Variants in NMT1 observed in about 807,000 individuals in gnomAD.
NMT1 encodes glycylpeptide N-tetradecanoyltransferase 1.
Under a neutral mutation model 63.4 loss-of-function variants are expected in NMT1, and 12 were observed. The ratio of observed to expected loss-of-function variants is 0.19; its 90% CI spans 0.12 to 0.31. NMT1 has a LOEUF of 0.31. Ranked by LOEUF, NMT1 falls within the 10% of genes least tolerant of loss-of-function variation. NMT1 has a pLI of 1.00. For missense variants in NMT1, 432 were observed against 634.6 expected (o/e 0.68, Z 3.43); for synonymous variants, 228 against 234.3 (o/e 0.97, Z 0.25).
chr17:45,101,381 T>G (rs910600023), intron 8 of NMT1, among the ~76,000 whole-genome samples: 1 of 150,188 alleles, frequency 6.7e-6, no homozygotes, highest in African/African-American at 2.4e-5. Flanking sequence ...TCCCAGCACT[T>G]TGGCAGGACA....
At chr17:45,068,015 ACTTCAGGAGGATG>A (rs2053913895) in intron 1 of NMT1, among the ~76,000 whole-genome samples, 1 of 152,222 alleles carries the variant, frequency 6.6e-6, no homozygotes, top group Non-Finnish European at 1.5e-5. Flanking sequence ...ACATTTAGTA[ACTTCAGGAGGATG>A]CTTCTTTAAC....
chr17:45,091,156 C>T (rs1253759925), intron 3 of NMT1, among the ~76,000 whole-genome samples: 2 of 147,504 alleles, frequency 1.4e-5, no homozygotes, highest in Non-Finnish European at 3.0e-5. Context: ...GAGGTCTTGT[C>T]GTTAGATATT....
At chr17:45,077,120 C>T (rs1207067154) in intron 1 of NMT1, among the ~76,000 whole-genome samples, 2 of 152,130 alleles carry the variant, frequency 1.3e-5, no homozygotes, top group Non-Finnish European at 2.9e-5. Context: ...TTATTTTCCC[C>T]ATGTGAAATT....
intron 1 of NMT1, among the ~76,000 whole-genome samples, chr17:45,077,053 G>T (rs181672227): frequency 9.0e-4 from 137 of 152,288 alleles, no homozygotes; most frequent in African/African-American, 3.1e-3. Context: ...AGGCAGGAAG[G>T]TAGTTTTTAC....
In NMT1 at chr17:45,081,737, G is replaced by C. The variant is rs1231776580; in HGVS notation, c.225G>C (p.Gln75His). The change falls in exon 2 of 12, where the codon CAG becomes CAC. Residue 75 changes from glutamine (Q) to histidine (H), a missense_variant. By Grantham distance (24) the Gln-to-His change is conservative (BLOSUM62 0). Around this residue, in one of 4 missense-constraint regions of NMT1, gnomAD observed 121 missense variants for 103.7 expected, o/e 1.17. Coordinates refer to ENST00000258960, the MANE Select transcript of NMT1 (RefSeq NM_021079.5). Reference sequence around the variant, plus strand: ...AAGGCAGTGAGACAGATTCAGCCCAGGATCAGCCTGTGAAGGTAACAAGGA... The same window carrying C: ...AAGGCAGTGAGACAGATTCAGCCCACGATCAGCCTGTGAAGGTAACAAGGA... ...KEKGSETDSA[Q>H]DQPVKMNSLP... 8 of 1,573,094 alleles carry C rather than the reference G, an allele frequency of 5.1e-6. No individual in the cohort carries two copies. The highest frequency in any genetic ancestry group is 1.2e-5 in the South Asian group (1 of 86,940).
chr17:45,104,160 G>T lies in NMT1; in HGVS notation c.1332+284G>T. 1 of 1,321,784 alleles carries T rather than the reference G, an allele frequency of 7.6e-7. No individual in the cohort carries two copies. The highest frequency in any genetic ancestry group is 9.7e-7 in the Non-Finnish European group (1 of 1,026,440). The allele number at this position is 1,321,784 out of a possible 1,614,324, so 81.9% of individuals were successfully genotyped here. ...GAGCCTGAATAGCCAGGCCTTCCCT[G>T]GGAGGACAGGGCTTCTCCTCACAGC... On this transcript the variant is annotated intron_variant, in intron 10 of 11. Transcript: ENST00000258960. The surrounding 1 kb of genome is among the most constrained non-coding windows in gnomAD (Gnocchi z 4.2).
chr17:45,072,254 C>A (rs78215484), intron 1 of NMT1, among the ~76,000 whole-genome samples: 16,535 of 119,652 alleles, frequency 0.14, 975 homozygotes, highest in Middle Eastern at 0.22. Context: ...ACTGTCTTTA[C>A]AAAAAAAAAA....
At chr17:45,084,623 G>A (rs984916011) in intron 2 of NMT1, among the ~76,000 whole-genome samples, 3 of 151,216 alleles carry the variant, frequency 2.0e-5, no homozygotes, top group Admixed American at 2.0e-4. Context: ...GTGAGCCACC[G>A]CGCCCGGCCA....
At chr17:45,076,857 A>G (rs1467564462) in intron 1 of NMT1, among the ~76,000 whole-genome samples, 1 of 152,232 alleles carries the variant, frequency 6.6e-6, no homozygotes, top group Non-Finnish European at 1.5e-5. Flanking sequence ...TGCTTGTACA[A>G]ATTCAAGCCA....
At chr17:45,065,297 T>C (rs924237602) in intron 1 of NMT1, among the ~76,000 whole-genome samples, 4 of 152,064 alleles carry the variant, frequency 2.6e-5, no homozygotes, top group Non-Finnish European at 5.9e-5. Context: ...CCCCAAATAA[T>C]TCTCATTGTA....
Position 45,103,219 on chromosome 17 carries a change from A to C in NMT1, c.1164+98A>C, listed in dbSNP as rs566769449. ...CAGGGCTCGAGTGTTGGCACCTTAG[A>C]CTTCCTTGACCATCCGTGTTTGGTC... is the stretch of plus-strand genomic sequence containing the variant. On this transcript the variant is annotated intron_variant, in intron 9 of 11. Transcript: ENST00000258960. The surrounding 1 kb of genome is among the most constrained non-coding windows in gnomAD (Gnocchi z 4.8). 2.6e-6 allele frequency: 3 copies of C among 1,161,360 alleles called. No homozygotes were observed. The highest frequency in any genetic ancestry group is 3.7e-6 in the Non-Finnish European group (3 of 805,598). The allele number at this position is 1,161,360 out of a possible 1,614,324, so 71.9% of individuals were successfully genotyped here.
rs535242567 is a variant in NMT1, at chr17:45,093,722, C to A, written c.423C>A (p.Asp141Glu). The part of the protein sequence containing the change: ...VVNTHGPVEP[D>E]KDNIRQEPYT... ...ACACCCATGGCCCCGTGGAGCCTGA[C>A]AAGGACAATATCCGCCAGGAGCCCT... Residue 141 changes from aspartate (D) to glutamate (E), a missense_variant, in exon 4 of 12, where the codon GAC (aspartate) becomes GAA (glutamate). This residue lies in a region of NMT1 where 295 missense variants were observed against 489.7 expected (regional missense o/e 0.60). Transcript: ENST00000258960. 6.2e-7 allele frequency: 1 copy of A among 1,614,244 alleles called. No individual in the cohort carries two copies. Among genetic ancestry groups the A allele is most frequent in the Non-Finnish European group, 8.5e-7 (1 of 1,180,042 alleles).
intron 8 of NMT1, chr17:45,099,947 A>G (rs563876888): frequency 6.5e-6 from 1 of 154,924 alleles, no homozygotes; most frequent in African/African-American, 2.4e-5. Flanking sequence ...GGGATCCCCG[A>G]TTTCTAATCC....
chr17:45,093,695 G>C lies in NMT1; in HGVS notation c.396G>C (p.Val132=). 6.2e-7 allele frequency: 1 copy of C among 1,614,158 alleles called. No individual in the cohort carries two copies. The highest frequency in any genetic ancestry group is 8.5e-7 in the Non-Finnish European group (1 of 1,179,990). Residue 132 remains valine, a synonymous_variant, in exon 4 of 12, where the codon GTG becomes GTC. Coordinates refer to ENST00000258960, the MANE Select transcript of NMT1 (RefSeq NM_021079.5). ...TQPVPKLGEV[V]NTHGPVEPDK... is the part of the protein sequence containing the mutation. ...GTGCTCTTCTTTCAGGCGAAGTGGT[G>C]AACACCCATGGCCCCGTGGAGCCTG... is the stretch of plus-strand genomic sequence containing the variant.
rs543697763 is a variant in NMT1 at position 45,105,203 on chromosome 17, A to G, written c.1470+207A>G. On this transcript the variant is annotated intron_variant, in intron 11 of 11. Coordinates refer to ENST00000258960, the MANE Select transcript of NMT1 (RefSeq NM_021079.5). The surrounding 1 kb of genome is among the most constrained non-coding windows in gnomAD (Gnocchi z 4.2). ...CTGGTGTGAGGATGGCAGAGGGGAC[A>G]GAGCCACACAGTAGCACGAAGATCA... Among the ~76,000 whole-genome samples the G allele has an allele frequency of 2.0e-4, 31 of 152,316 alleles. 1 individual carries two copies. In the South Asian group the frequency reaches 2.3e-3, roughly 11 times the overall value.
chr17:45,076,051 C>T (rs866943367), intron 1 of NMT1, among the ~76,000 whole-genome samples: 5 of 152,230 alleles, frequency 3.3e-5, no homozygotes, highest in Non-Finnish European at 5.9e-5. Flanking sequence ...GCCTGGGTGA[C>T]AGAGCGAGAC....
At position 45,107,000 on chromosome 17, in the gene NMT1, TC is replaced by T. The variant is rs1598022636; in HGVS notation, c.*1363del. On this transcript the variant is annotated 3_prime_UTR_variant, in exon 12 of 12. Coordinates refer to ENST00000258960, the MANE Select transcript of NMT1 (RefSeq NM_021079.5). Reference sequence around the variant, plus strand: ...CAAAATTGGGCTGTGAAATTGTACTTCCAGGCTTGGATGTAATTTTTGCTCT... The same window carrying T: ...CAAAATTGGGCTGTGAAATTGTACTTCAGGCTTGGATGTAATTTTTGCTCT... 6.6e-6 allele frequency: 1 copy of T among 152,226 alleles called. No homozygotes were observed. The highest frequency in any genetic ancestry group is 1.9e-4 in the East Asian group (1 of 5,200). The allele number at this position is 152,226 out of a possible 1,614,324, so 9.4% of individuals were successfully genotyped here. A position where few individuals can be genotyped will look rare whatever the true frequency, so the allele number is the denominator to read the frequency against.
In NMT1 at chr17:45,103,605, G is replaced by A. The variant is rs1394758757; in HGVS notation, c.1165-104G>A. On this transcript the variant is annotated intron_variant, in intron 9 of 11. Coordinates refer to ENST00000258960, the MANE Select transcript of NMT1 (RefSeq NM_021079.5). The surrounding 1 kb of genome is among the most constrained non-coding windows in gnomAD (Gnocchi z 4.8). ...GTTGCAGTTTCCAGCCATTTATCTA[G>A]AGGGGCAGAGCTGCCTGAAGGTGGA... The A allele has an allele frequency of 5.9e-6, 7 of 1,182,314 alleles. No individual in the cohort carries two copies. Among genetic ancestry groups the A allele is most frequent in the Non-Finnish European group, 8.4e-6 (7 of 831,730 alleles). The allele number at this position is 1,182,314 out of a possible 1,614,324, so 73.2% of individuals were successfully genotyped here. A position where few individuals can be genotyped will look rare whatever the true frequency, so the allele number is the denominator to read the frequency against.
intron 1 of NMT1, among the ~76,000 whole-genome samples, chr17:45,075,968 G>T (rs1034606155): frequency 6.6e-6 from 1 of 152,144 alleles, no homozygotes; most frequent in Non-Finnish European, 1.5e-5. Flanking sequence ...TACCCAGGAG[G>T]CTGAGGCAGA....
Sources: gnomAD v4.1 joint callset for allele counts (sites outside exome capture counted in the v4.1 genomes callset) on GRCh38, gnomAD v4.1.1 for gene constraint, gnomAD v4.1.1 regional missense constraint, Gnocchi (gnomAD v3.1) non-coding constraint, MANE v1.5 for transcripts, NCBI Gene and HGNC (gene_info 2026-07-23, HGNC 2026-07-21) for gene names.